SRGAP2B: variants seen among roughly 807,000 people sequenced by gnomAD.
The protein encoded by SRGAP2B is SLIT-ROBO Rho GTPase activating protein 2B.
SRGAP2B carries 9 observed loss-of-function variants against 22.2 expected under a neutral mutation model. The ratio of observed to expected loss-of-function variants is 0.41; its 90% CI spans 0.24 to 0.71. The LOEUF is 0.71. Among genes scored for constraint, SRGAP2B ranks in the 30% least tolerant of loss-of-function variants. The probability of loss-of-function intolerance (pLI) is 0.35; values close to 1 mark genes in which losing one functional copy is unlikely to be tolerated. For synonymous variants in SRGAP2B, 36 were observed against 87.4 expected (o/e 0.41, Z 3.28); for missense variants, 114 against 235.8 (o/e 0.48, Z 3.38).
At chr1:144,973,036 A>C (rs1457290573) in intron 3 of SRGAP2B, among the ~76,000 whole-genome samples, 1 of 141,434 alleles carries the variant, frequency 7.1e-6, no homozygotes, top group Non-Finnish European at 1.5e-5. Flanking sequence ...TGAGCTCAGG[A>C]GGCAGAGGTT....
At chr1:144,929,399 C>T (rs1410680545) in intron 4 of SRGAP2B, among the ~76,000 whole-genome samples, 1 of 150,268 alleles carries the variant, frequency 6.7e-6, no homozygotes, top group African/African-American at 2.5e-5. Context: ...ATCACGAAGA[C>T]TTACACCTAT....
In SRGAP2B at chr1:145,006,186, A is replaced by C; in HGVS notation, c.68-10986T>G. Among the ~76,000 whole-genome samples the C allele has an allele frequency of 1.3e-5, 2 of 150,932 alleles. 1 individual carries two copies. Among genetic ancestry groups the C allele is most frequent in the Non-Finnish European group, 2.9e-5 (2 of 67,978 alleles). On this transcript the variant is annotated intron_variant, in intron 2 of 9. Transcript: ENST00000612199. ...ACCTATTCAATCAGCAGTCATGTCA[A>C]CAACAAGTACAGAGAAGTGGAGGCT... is the stretch of plus-strand genomic sequence containing the variant.
intron 3 of SRGAP2B, among the ~76,000 whole-genome samples, chr1:144,980,611 T>C (rs1358741793): frequency 2.0e-5 from 3 of 151,394 alleles, no homozygotes; most frequent in African/African-American, 7.3e-5. Context: ...ACTGTGCTCA[T>C]TGATTCTCCC....
chr1:145,027,039 A>T (rs2102304970), intron 2 of SRGAP2B, among the ~76,000 whole-genome samples: 3 of 77,838 alleles, frequency 3.9e-5, no homozygotes, highest in South Asian at 5.5e-4. Flanking sequence ...TTTTTTTGAG[A>T]TGGAGTCTCG....
In SRGAP2B at chr1:145,002,765, A is replaced by G. The variant is rs1480827243; in HGVS notation, c.68-7565T>C. Among the ~76,000 whole-genome samples, 11 of 145,382 alleles carry G rather than the reference A, an allele frequency of 7.6e-5. No individual in the cohort carries two copies. The East Asian group carries it at 1.9e-3, about 25-fold the overall frequency. On this transcript the variant is annotated intron_variant, in intron 2 of 9. Transcript: ENST00000612199. Reference sequence around the variant, plus strand: ...AATTTCACATAACAATTCATATTACATAATTGCACAAGATATATAATTATA... The same window carrying G: ...AATTTCACATAACAATTCATATTACGTAATTGCACAAGATATATAATTATA...
chr1:144,950,228 A>G (rs1338270363), intron 4 of SRGAP2B, among the ~76,000 whole-genome samples: 25 of 129,092 alleles, frequency 1.9e-4, no homozygotes, highest in Non-Finnish European at 3.6e-4. Context: ...TCCTAGACAA[A>G]GTCAGTCTGT....
chr1:144,944,471 CA>C (rs1553608032), intron 4 of SRGAP2B, among the ~76,000 whole-genome samples: 1 of 145,640 alleles, frequency 6.9e-6, no homozygotes, highest in African/African-American at 2.6e-5. Context: ...CCTGTAGTAT[CA>C]GACACATGAG....
At chr1:145,083,182 G>A (rs1353989685) in intron 2 of SRGAP2B, among the ~76,000 whole-genome samples, 1 of 144,722 alleles carries the variant, frequency 6.9e-6, no homozygotes, top group Non-Finnish European at 1.5e-5. Flanking sequence ...GAGCAGGGAA[G>A]GCTTCCTGGA....
At chr1:144,994,771 G>GAGCT (rs1670540962) in intron 3 of SRGAP2B, among the ~76,000 whole-genome samples, 2 of 150,190 alleles carry the variant, frequency 1.3e-5, no homozygotes, top group East Asian at 3.9e-4. Context: ...CCTGGCAACA[G>GAGCT]AGCTATAAAC....
intron 2 of SRGAP2B, among the ~76,000 whole-genome samples, chr1:145,085,012 G>A (rs1198559663): frequency 2.7e-5 from 4 of 150,540 alleles, no homozygotes; most frequent in African/African-American, 7.4e-5. Context: ...GCATGATCTC[G>A]GCTCACTGCA....
chr1:145,009,069 C>T (rs1553621728), intron 2 of SRGAP2B, among the ~76,000 whole-genome samples: 16 of 139,514 alleles, frequency 1.1e-4, no homozygotes, highest in Middle Eastern at 3.9e-3. Flanking sequence ...CCCAGCTACT[C>T]AGGAGGCTGA....
chr1:145,020,457 GAAGAAGA>G (rs1188027480), intron 2 of SRGAP2B, among the ~76,000 whole-genome samples: 8 of 141,878 alleles, frequency 5.6e-5, no homozygotes, highest in Non-Finnish European at 9.1e-5. Context: ...AAAAAAGGTA[GAAGAAGA>G]AAGAAGAAAA....
In SRGAP2B at chr1:144,995,707, C is replaced by T. The variant is rs1670626879; in HGVS notation, c.68-507G>A. ...CCATGCTCCTACTTTTTGCATTTTTCCCCATCATTTCAAAATGTTGTTTAC... is the reference window on the plus strand; with the variant it reads ...CCATGCTCCTACTTTTTGCATTTTTTCCCATCATTTCAAAATGTTGTTTAC... On this transcript the variant is annotated intron_variant, in intron 2 of 9. Coordinates refer to ENST00000612199, the Ensembl canonical transcript of SRGAP2B. 2.0e-5 allele frequency among the ~76,000 whole-genome samples: 3 copies of T among 147,938 alleles called. No homozygotes were observed. The South Asian group carries it at 6.4e-4, about 31-fold the overall frequency.
chr1:144,985,694 T>G (rs1249567500), intron 3 of SRGAP2B, among the ~76,000 whole-genome samples: 1 of 149,932 alleles, frequency 6.7e-6, no homozygotes, highest in East Asian at 2.0e-4. Context: ...GCATAATACT[T>G]TACCACTGCT....
chr1:144,965,210 C>A (rs587664628), intron 3 of SRGAP2B: 6 of 931,952 alleles, frequency 6.4e-6, no homozygotes, highest in East Asian at 2.6e-5. Flanking sequence ...CCAGCGTGAG[C>A]GACACAGAAG....
At chr1:144,975,327 G>T (rs1357044201) in intron 3 of SRGAP2B, among the ~76,000 whole-genome samples, 1 of 148,584 alleles carries the variant, frequency 6.7e-6, no homozygotes, top group African/African-American at 2.6e-5. Flanking sequence ...AATCTGGTTT[G>T]TTCCCTCCAA....
chr1:144,983,968 C>G (rs1432713318), intron 3 of SRGAP2B, among the ~76,000 whole-genome samples: 1 of 150,542 alleles, frequency 6.6e-6, no homozygotes, highest in African/African-American at 2.5e-5. Flanking sequence ...AATCCAAAAC[C>G]AAATTTCTCA....
intron 3 of SRGAP2B, among the ~76,000 whole-genome samples, chr1:144,969,829 G>A (rs1668363754): frequency 6.6e-6 from 1 of 150,668 alleles, no homozygotes; most frequent in African/African-American, 2.5e-5. Context: ...TCAAAAAGTG[G>A]GTGAAGGACA....
At chr1:144,915,844 G>C (rs2101750522) in intron 4 of SRGAP2B, among the ~76,000 whole-genome samples, 1 of 150,658 alleles carries the variant, frequency 6.6e-6, no homozygotes, top group African/African-American at 2.5e-5. Context: ...TTGGCAGCAT[G>C]GGTCATTGAG....
Sources: gnomAD v4.1 joint callset for allele counts (sites outside exome capture counted in the v4.1 genomes callset) on GRCh38, gnomAD v4.1.1 for gene constraint, MANE v1.5 for transcripts, NCBI Gene and HGNC (gene_info 2026-07-23, HGNC 2026-07-21) for gene names.